The following INPP5F variants were observed in gnomAD, a reference collection of about 807,000 sequenced individuals.
The protein encoded by INPP5F is inositol polyphosphate-5-phosphatase F.
Under a neutral mutation model 137.2 loss-of-function variants are expected in INPP5F, and 97 were observed. The observed-to-expected ratio is 0.71, with a 90% CI of 0.60 to 0.84. The LOEUF (loss-of-function observed/expected upper bound fraction) is 0.84, where lower values mean the gene tolerates loss of function less well. INPP5F is among the 40% of genes least tolerant of loss of function. INPP5F has a pLI of 0.00. For synonymous variants in INPP5F, 504 were observed against 476.9 expected (o/e 1.06, Z -0.74); for missense variants, 1,271 against 1,371.9 (o/e 0.93, Z 1.16).
chr10:119,802,934 A>T (rs1171853876), intron 9 of INPP5F, among the ~76,000 whole-genome samples: 3 of 152,136 alleles, frequency 2.0e-5, no homozygotes, highest in Non-Finnish European at 4.4e-5. Context: ...TTTAAATTGC[A>T]TTTCTTTGAG....
At chr10:119,773,244 A>G (rs1038743637) in intron 2 of INPP5F, among the ~76,000 whole-genome samples, 1 of 151,830 alleles carries the variant, frequency 6.6e-6, no homozygotes, top group African/African-American at 2.4e-5. Flanking sequence ...TTTTGTAGAG[A>G]CAGGGTCTTG....
intron 1 of INPP5F, among the ~76,000 whole-genome samples, chr10:119,733,826 C>G (rs1305803416): frequency 1.3e-5 from 2 of 152,194 alleles, no homozygotes; most frequent in African/African-American, 4.8e-5. Flanking sequence ...GTCCCACTTG[C>G]CTGGCCTAAA....
At chr10:119,769,423 G>A (rs887215981) in intron 2 of INPP5F, among the ~76,000 whole-genome samples, 2 of 152,060 alleles carry the variant, frequency 1.3e-5, no homozygotes, top group African/African-American at 4.8e-5. Context: ...ACACACCACC[G>A]GATCTGGCAG....
intron 15 of INPP5F, among the ~76,000 whole-genome samples, chr10:119,818,295 C>G (rs1589752887): frequency 6.6e-6 from 1 of 152,402 alleles, no homozygotes; most frequent in East Asian, 1.9e-4. Context: ...CCCGCCTCGC[C>G]TCTCCGCTAA....
chr10:119,780,627 T>C (rs1347651447), intron 2 of INPP5F, among the ~76,000 whole-genome samples: 1 of 152,210 alleles, frequency 6.6e-6, no homozygotes, highest in Non-Finnish European at 1.5e-5. Context: ...AGCCTTATTA[T>C]GTACAGTCGG....
intron 3 of INPP5F, 87 bp downstream of exon 3, chr10:119,781,858 AC>A (rs1196239734): frequency 3.8e-6 from 4 of 1,064,198 alleles, no homozygotes; most frequent in African/African-American, 3.2e-5. Context: ...CCAGAAACTT[AC>A]ATTTTTAGAG....
In INPP5F at chr10:119,826,902, G is replaced by T; in HGVS notation, c.2521G>T (p.Asp841Tyr). 4 of 1,614,132 alleles carry T rather than the reference G, an allele frequency of 2.5e-6. No individual in the cohort carries two copies. Among genetic ancestry groups the T allele is most frequent in the Non-Finnish European group, 3.4e-6 (4 of 1,179,994 alleles). The change falls in exon 20 of 20, where the codon GAT becomes TAT. Residue 841 changes from aspartate to tyrosine, a missense_variant. By Grantham distance (160) the Asp-to-Tyr change is radical (BLOSUM62 -3). This residue lies in a region of INPP5F where 490 missense variants were observed against 443.7 expected (regional missense o/e 1.10). Coordinates refer to ENST00000650623, the MANE Select transcript of INPP5F (RefSeq NM_014937.4). The part of the protein sequence containing the change: ...LETMENTGVM[D>Y]KVQAESDGDM... Reference sequence around the variant, plus strand: ...AACTATGGAAAACACAGGAGTGATGGATAAGGTTCAGGCAGAGTCTGATGG... The same window carrying T: ...AACTATGGAAAACACAGGAGTGATGTATAAGGTTCAGGCAGAGTCTGATGG...
intron 2 of INPP5F, among the ~76,000 whole-genome samples, chr10:119,767,128 A>AC (rs1849196180): frequency 1.3e-5 from 2 of 150,456 alleles, no homozygotes; most frequent in African/African-American, 4.9e-5. Context: ...AAAAAAAAAA[A>AC]AAAAACCTAG....
intron 1 of INPP5F, among the ~76,000 whole-genome samples, chr10:119,749,775 T>C (rs1034328170): frequency 6.6e-6 from 1 of 152,228 alleles, no homozygotes; most frequent in African/African-American, 2.4e-5. Flanking sequence ...ATAAATTTCT[T>C]ATTTTGCTTT....
At chr10:119,738,545 T>C (rs1848280157) in intron 1 of INPP5F, among the ~76,000 whole-genome samples, 1 of 152,202 alleles carries the variant, frequency 6.6e-6, no homozygotes, top group Non-Finnish European at 1.5e-5. Context: ...GGGCATTTGC[T>C]GCATATGCCT....
At chr10:119,782,995 A>G (rs1849759822) in intron 3 of INPP5F, among the ~76,000 whole-genome samples, 1 of 152,206 alleles carries the variant, frequency 6.6e-6, no homozygotes, top group African/African-American at 2.4e-5. Flanking sequence ...TTAAGAAACA[A>G]AATGAATTTA....
intron 1 of INPP5F, among the ~76,000 whole-genome samples, chr10:119,727,145 G>C (rs1002663026): frequency 7.9e-5 from 12 of 152,230 alleles, no homozygotes; most frequent in Non-Finnish European, 1.5e-4. Flanking sequence ...TTTCTTGTAA[G>C]ATGGGGCTGG....
chr10:119,767,791 TAGAG>T (rs141463290), intron 2 of INPP5F, among the ~76,000 whole-genome samples: 6,345 of 152,234 alleles, frequency 0.042, 235 homozygotes, highest in South Asian at 0.22. Context: ...AGGCAGGAAG[TAGAG>T]AGAATCATTT....
intron 6 of INPP5F, among the ~76,000 whole-genome samples, chr10:119,795,670 C>T (rs1265171670): frequency 4.0e-5 from 6 of 151,258 alleles, no homozygotes; most frequent in African/African-American, 1.2e-4. Context: ...ACTTCCCAGA[C>T]GGGGTGGCGG....
Position 119,814,318 on chromosome 10 carries a change from C to T in INPP5F, c.1886+2363C>T, listed in dbSNP as rs562495974. Among the ~76,000 whole-genome samples, 101 of 150,310 alleles carry T rather than the reference C, an allele frequency of 6.7e-4. 2 individuals carry two copies. The highest frequency in any genetic ancestry group is 2.2e-3 in the African/African-American group (91 of 40,760). On this transcript the variant is annotated intron_variant, in intron 15 of 19. Transcript: ENST00000650623. The stretch of plus-strand genomic sequence containing the variant: ...AGGTGAATTGCTTGAACCCGGCAGG[C>T]GGAGGTTGCAGTGAGCCGAGATCAC...
chr10:119,798,870 A>G (rs900508238), intron 9 of INPP5F, among the ~76,000 whole-genome samples: 10 of 150,172 alleles, frequency 6.7e-5, no homozygotes, highest in African/African-American at 2.2e-4. Context: ...GGCTCAAGCA[A>G]TCTTCTCTCC....
Position 119,827,725 on chromosome 10 carries a change from A to C in INPP5F, c.3344A>C (p.Gln1115Pro), listed in dbSNP as rs142758118. Reference sequence around the variant, plus strand: ...CCTGAAATCATTAATCAAGTCCAGCAAAATGAACTTAAAAAGATGTTTATA... The same window carrying C: ...CCTGAAATCATTAATCAAGTCCAGCCAAATGAACTTAAAAAGATGTTTATA... ...PEPEIINQVQ[Q>P]NELKKMFIQC... The change falls in exon 20 of 20, where the codon CAA becomes CCA. Residue 1115 changes from glutamine to proline, a missense_variant. Physicochemically the swap from Gln to Pro is moderately conservative, Grantham distance 76. This residue lies in a region of INPP5F where 490 missense variants were observed against 443.7 expected (regional missense o/e 1.10). Coordinates refer to ENST00000650623, the MANE Select transcript of INPP5F (RefSeq NM_014937.4). 250 of 1,613,730 alleles carry C rather than the reference A, an allele frequency of 1.5e-4. No individual in the cohort carries two copies. Among genetic ancestry groups the C allele is most frequent in the Non-Finnish European group, 2.0e-4 (238 of 1,179,732 alleles).
chr10:119,752,135 A>G (rs1411403493), intron 2 of INPP5F, among the ~76,000 whole-genome samples: 1 of 152,248 alleles, frequency 6.6e-6, no homozygotes, highest in Admixed American at 6.5e-5. Flanking sequence ...AAGCACGTAT[A>G]TCTGGAAAAT....
At chr10:119,796,164 GTTTCA>G (rs1468382313) in intron 6 of INPP5F, among the ~76,000 whole-genome samples, 2 of 151,868 alleles carry the variant, frequency 1.3e-5, no homozygotes, top group African/African-American at 4.8e-5. Context: ...TTTCTTTTTG[GTTTCA>G]TTTATTACTT....
Sources: allele counts gnomAD v4.1 joint callset (sites outside exome capture counted in the v4.1 genomes callset), GRCh38; gene constraint gnomAD v4.1.1; regional missense constraint gnomAD v4.1.1; transcripts MANE v1.5; gene names NCBI Gene and HGNC (gene_info 2026-07-23, HGNC 2026-07-21).